P2RY12: variants seen among roughly 807,000 people sequenced by gnomAD.
The protein encoded by P2RY12 is P2Y purinoceptor 12.
P2RY12 carries 3 observed loss-of-function variants against 4.5 expected under a neutral mutation model. The observed-to-expected ratio is 0.67, with a 90% CI of 0.31 to 1.74. The LOEUF is 1.74. P2RY12 is among the 40% of genes most tolerant of loss of function. P2RY12 has a pLI of 0.09. For synonymous variants in P2RY12, 148 were observed against 154.1 expected (o/e 0.96, Z 0.29); for missense variants, 356 against 407.8 (o/e 0.87, Z 1.09).
At chr3:151,367,842 G>C in intron 1 of P2RY12, 3 of 1,492,924 alleles carry the variant, frequency 2.0e-6, no homozygotes, top group Non-Finnish European at 1.8e-6. Flanking sequence ...TTACAACACA[G>C]GGAAAGGAGT....
intron 1 of P2RY12, among the ~76,000 whole-genome samples, chr3:151,358,748 C>A (rs1363108788): frequency 6.6e-6 from 1 of 152,102 alleles, no homozygotes; most frequent in Non-Finnish European, 1.5e-5. Flanking sequence ...TATTTCACTT[C>A]TTCGTACTTA....
intron 1 of P2RY12, among the ~76,000 whole-genome samples, chr3:151,367,110 C>T (rs2107936384): frequency 1.6e-5 from 1 of 61,128 alleles, no homozygotes; most frequent in South Asian, 8.5e-4. Context: ...TAATTTCCCC[C>T]TCTGTCCTTT....
Position 151,338,149 on chromosome 3 carries a change from T to G in P2RY12, c.697A>C (p.Lys233Gln). ...TRGVGKVPRK[K>Q]VNVKVFIIIA... Reference sequence around the variant, plus strand: ...ATAATGAAAACTTTGACGTTCACCTTTTTCCTGGGGACTTTACCTACACCC... The same window carrying G: ...ATAATGAAAACTTTGACGTTCACCTGTTTCCTGGGGACTTTACCTACACCC... The change falls in exon 3 of 3, where the codon AAG (lysine) becomes CAG (glutamine). Residue 233 changes from lysine to glutamine, a missense_variant. Coordinates refer to ENST00000302632, the MANE Select transcript of P2RY12 (RefSeq NM_022788.5). 6.2e-7 allele frequency: 1 copy of G among 1,614,072 alleles called. No homozygotes were observed. The highest frequency in any genetic ancestry group is 8.5e-7 in the Non-Finnish European group (1 of 1,179,980).
chr3:151,376,929 A>T, intron 1 of P2RY12: 1 of 1,610,658 alleles, frequency 6.2e-7, no homozygotes, highest in South Asian at 1.1e-5. Context: ...AAGCAAAAAC[A>T]CGTTGATGTT....
chr3:151,369,112 G>A (rs1048097205), intron 1 of P2RY12, among the ~76,000 whole-genome samples: 6 of 152,170 alleles, frequency 3.9e-5, no homozygotes, highest in South Asian at 2.1e-4. Context: ...TTTTAGGGGC[G>A]TTGGTGAAGT....
chr3:151,349,039 A>G (rs1485048212), intron 1 of P2RY12, among the ~76,000 whole-genome samples: 3 of 152,240 alleles, frequency 2.0e-5, no homozygotes, highest in African/African-American at 7.2e-5. Context: ...AAATATACAT[A>G]GAGTAAGAAA....
At chr3:151,382,223 C>T (rs951630895) in intron 1 of P2RY12, among the ~76,000 whole-genome samples, 1 of 152,024 alleles carries the variant, frequency 6.6e-6, no homozygotes, top group Admixed American at 6.6e-5. Flanking sequence ...GATAGCAGAC[C>T]TTCTCTTCTA....
At chr3:151,368,324 G>A (rs1755539269) in intron 1 of P2RY12, 3 of 1,294,040 alleles carry the variant, frequency 2.3e-6, no homozygotes, top group Non-Finnish European at 3.3e-6. Context: ...CAAATAGGCT[G>A]TCCCTTTCTG....
At chr3:151,376,401 G>A (rs1477354544) in intron 1 of P2RY12, among the ~76,000 whole-genome samples, 1 of 152,100 alleles carries the variant, frequency 6.6e-6, no homozygotes, top group Non-Finnish European at 1.5e-5. Flanking sequence ...AATTGTATAT[G>A]ATCATCAAAC....
chr3:151,382,828 C>G, intron 1 of P2RY12: 2 of 1,070,882 alleles, frequency 1.9e-6, no homozygotes, highest in Non-Finnish European at 2.8e-6. Context: ...CTCCTAAGTG[C>G]AAAGTCTGCA....
intron 1 of P2RY12, among the ~76,000 whole-genome samples, chr3:151,373,936 G>A (rs1475797071): frequency 2.6e-5 from 4 of 151,918 alleles, no homozygotes; most frequent in Admixed American, 2.0e-4. Context: ...TTAATTCTAC[G>A]ACCTGTCTGC....
At chr3:151,378,194 T>C in intron 1 of P2RY12, 1 of 1,584,216 alleles carries the variant, frequency 6.3e-7, no homozygotes, top group Non-Finnish European at 8.6e-7. Flanking sequence ...AAGATGGGCG[T>C]CTGTGTGAGA....
At chr3:151,382,646 C>G in intron 1 of P2RY12, 1 of 1,591,864 alleles carries the variant, frequency 6.3e-7, no homozygotes, top group Non-Finnish European at 8.5e-7. Context: ...AGTTTTTTTC[C>G]GGATCTTAGA....
At position 151,381,145 on chromosome 3, in the gene P2RY12, T is replaced by A. The variant is rs146656745; in HGVS notation, c.-180+3547A>T. Among the ~76,000 whole-genome samples the A allele has an allele frequency of 3.8e-3, 573 of 152,314 alleles. 1 individual carries two copies. The highest frequency in any genetic ancestry group is 0.013 in the African/African-American group (555 of 41,560). Reference sequence around the variant, plus strand: ...ATTAAGCAAAGTGGATAGATTGGTCTTATGAGGTGTTTTATCCTGATACAC... The same window carrying A: ...ATTAAGCAAAGTGGATAGATTGGTCATATGAGGTGTTTTATCCTGATACAC... On this transcript the variant is annotated intron_variant, in intron 1 of 2. Transcript: ENST00000302632.
At chr3:151,355,338 C>A in intron 1 of P2RY12, 1 of 713,482 alleles carries the variant, frequency 1.4e-6, no homozygotes, top group Non-Finnish European at 2.4e-6. Flanking sequence ...TGGTTTTAGA[C>A]ATATATTTTA....
chr3:151,376,765 AC>A, intron 1 of P2RY12: 1 of 1,518,622 alleles, frequency 6.6e-7, no homozygotes, highest in Non-Finnish European at 9.1e-7. Flanking sequence ...CACATTTGAT[AC>A]CCATAATGTT....
At chr3:151,341,347 CTTA>C in intron 1 of P2RY12, among the ~76,000 whole-genome samples, 1 of 152,048 alleles carries the variant, frequency 6.6e-6, no homozygotes, top group Middle Eastern at 3.4e-3. Flanking sequence ...CATTGCCAGG[CTTA>C]TTATATACTG....
chr3:151,378,436 A>G (rs1711618696), intron 1 of P2RY12, among the ~76,000 whole-genome samples: 2 of 152,184 alleles, frequency 1.3e-5, no homozygotes, highest in African/African-American at 4.8e-5. Flanking sequence ...GACCCGCTTT[A>G]GACCAACTGA....
chr3:151,378,049 C>T, intron 1 of P2RY12: 1 of 1,610,546 alleles, frequency 6.2e-7, no homozygotes, highest in Non-Finnish European at 8.5e-7. Context: ...GGTGGCCCCC[C>T]TCATCGCCAG....
Sources: gnomAD v4.1 joint callset for allele counts (sites outside exome capture counted in the v4.1 genomes callset) on GRCh38, gnomAD v4.1.1 for gene constraint, MANE v1.5 for transcripts, NCBI Gene and HGNC (gene_info 2026-07-23, HGNC 2026-07-21) for gene names.